Variants in FNTB observed in about 807,000 individuals in gnomAD.
FNTB encodes protein farnesyltransferase subunit beta.
FNTB carries 27 observed loss-of-function variants against 59.4 expected under a neutral mutation model. That is an observed-to-expected ratio of 0.45 (90% CI 0.34 to 0.63). The LOEUF is 0.63. Ranked by LOEUF, FNTB falls within the 20% of genes least tolerant of loss-of-function variation. The pLI, the probability that FNTB is intolerant of heterozygous loss-of-function variation, is 0.02. For missense variants in FNTB, 449 were observed against 559.6 expected, an observed-to-expected ratio of 0.80 and a Z score of 1.99; for synonymous variants, 230 against 220.7, an observed-to-expected ratio of 1.04 and a Z score of -0.37.
At chr14:65,022,277 T>C (rs1346495949) in intron 4 of FNTB, 2 of 314,072 alleles carry the variant, frequency 6.4e-6, no homozygotes, top group Admixed American at 4.3e-5. Flanking sequence ...CTGTAATCTT[T>C]TTTTCTGTTT....
In FNTB at chr14:65,001,207, C is replaced by A. The variant is rs769339593; in HGVS notation, c.145-3042C>A. On this transcript the variant is annotated intron_variant, in intron 1 of 11. Transcript: ENST00000246166. This position sits in a 1 kb window ranked among gnomAD's most constrained non-coding sequence, Gnocchi z 5.5. ...ATCTAGAGATGATTTAAAATACAGG[C>A]GTGCACTATATAACAATCAACAGAC... Among the ~76,000 whole-genome samples the A allele has an allele frequency of 6.6e-6, 1 of 152,102 alleles. No homozygotes were observed. Among genetic ancestry groups the A allele is most frequent in the African/African-American group, 2.4e-5 (1 of 41,422 alleles).
At chr14:65,057,548 C>CT (rs2062765045) in intron 11 of FNTB, among the ~76,000 whole-genome samples, 2 of 152,110 alleles carry the variant, frequency 1.3e-5, no homozygotes, top group Admixed American at 6.6e-5. Context: ...GGAATCTCTA[C>CT]CATTTTTTGA....
At chr14:65,040,604 C>CTTT (rs35890649) in intron 7 of FNTB, among the ~76,000 whole-genome samples, 186 bp from the exon 8 acceptor site, 48 of 117,302 alleles carry the variant, frequency 4.1e-4, no homozygotes, top group African/African-American at 1.1e-3. Flanking sequence ...CCAGGCCCAG[C>CTTT]TTTTTTTTTT....
chr14:65,019,508 AT>A (rs71123900), intron 4 of FNTB, among the ~76,000 whole-genome samples: 1 of 151,786 alleles, frequency 6.6e-6, no homozygotes, highest in East Asian at 1.9e-4. Context: ...CAAACAAAAC[AT>A]TTTTTTTAAG....
Position 65,015,695 on chromosome 14 carries a change from TC to T in FNTB, c.358del (p.Gln120ArgfsTer2), listed in dbSNP as rs1482427198. ...LHSLELLDEP[I>X]PQIVATDVCQ... is the part of the protein sequence containing the mutation. ...AGCTTGGAACTGCTAGATGAACCCA[TC>T]CCCCAGATAGTGGCTACAGAGTGAG... is the stretch of plus-strand genomic sequence containing the variant. On this transcript the variant is annotated frameshift_variant, in exon 4 of 12. Coordinates refer to ENST00000246166, the MANE Select transcript of FNTB (RefSeq NM_002028.4). LOFTEE classifies it high-confidence loss of function. The T allele has an allele frequency of 6.2e-7, 1 of 1,614,022 alleles. No individual in the cohort carries two copies. The highest frequency in any genetic ancestry group is 8.5e-7 in the Non-Finnish European group (1 of 1,180,012).
rs1324482048 is a variant in FNTB at position 65,032,157 on chromosome 14, A to C, written c.606-453A>C. 6.6e-6 allele frequency among the ~76,000 whole-genome samples: 1 copy of C among 152,138 alleles called. No homozygotes were observed. The highest frequency in any genetic ancestry group is 2.4e-5 in the African/African-American group (1 of 41,422). On this transcript the variant is annotated intron_variant, in intron 6 of 11. Transcript: ENST00000246166. The surrounding 1 kb of genome is among the most constrained non-coding windows in gnomAD (Gnocchi z 5.0). ...CTGTTTTGCAGTTTATCTGTTGCAG[A>C]AAAAGTATAGTTAATCTTTAATGTG...
At chr14:65,057,330 G>A (rs2062758411) in intron 11 of FNTB, among the ~76,000 whole-genome samples, 1 of 152,202 alleles carries the variant, frequency 6.6e-6, no homozygotes, top group Non-Finnish European at 1.5e-5. Context: ...TTGGGAGGCT[G>A]AGGTGGGAGA....
rs1370295779 is a variant in FNTB, at chr14:65,029,952, C to A, written c.605+2171C>A. On this transcript the variant is annotated intron_variant, in intron 6 of 11. Transcript: ENST00000246166. This position sits in a 1 kb window ranked among gnomAD's most constrained non-coding sequence, Gnocchi z 4.7. ...AAGAAGGCTTGGATTTGGGTGATGG[C>A]AGCAAGGATGGAAAGTTAGTGGACA... Among the ~76,000 whole-genome samples, 1 of 152,242 alleles carries A rather than the reference C, an allele frequency of 6.6e-6. No homozygotes were observed. The highest frequency in any genetic ancestry group is 1.5e-5 in the Non-Finnish European group (1 of 68,020).
intron 2 of FNTB, among the ~76,000 whole-genome samples, chr14:65,005,961 A>C (rs1042940176): frequency 4.6e-5 from 7 of 152,240 alleles, no homozygotes; most frequent in African/African-American, 1.7e-4. Flanking sequence ...ATCTCTGAAC[A>C]AAGTGTGGTT....
At chr14:65,053,032 T>C in intron 9 of FNTB, 2 of 352,924 alleles carry the variant, frequency 5.7e-6, no homozygotes, top group Non-Finnish European at 1.0e-5. Flanking sequence ...CCACTTTGAA[T>C]TGCTGCTCTT....
Position 65,009,915 on chromosome 14 carries a change from G to T in FNTB, c.210-2402G>T, listed in dbSNP as rs974757772. On this transcript the variant is annotated intron_variant, in intron 2 of 11. Coordinates refer to ENST00000246166, the MANE Select transcript of FNTB (RefSeq NM_002028.4). The surrounding 1 kb of genome is among the most constrained non-coding windows in gnomAD (Gnocchi z 4.2). ...CATGTGTGTCCACCTCTGGACTGTCGCTCTAGGGTACAGAGCAGCCTCTAC... is the reference window on the plus strand; with the variant it reads ...CATGTGTGTCCACCTCTGGACTGTCTCTCTAGGGTACAGAGCAGCCTCTAC... Among the ~76,000 whole-genome samples, 9 of 152,050 alleles carry T rather than the reference G, an allele frequency of 5.9e-5. No individual in the cohort carries two copies. Among genetic ancestry groups the T allele is most frequent in the African/African-American group, 1.9e-4 (8 of 41,380 alleles).
chr14:64,999,854 A>G (rs902030316), intron 1 of FNTB, among the ~76,000 whole-genome samples: 5 of 152,244 alleles, frequency 3.3e-5, no homozygotes, highest in Non-Finnish European at 5.9e-5. Flanking sequence ...TCACTTGTTC[A>G]TTCTGAAGAA....
intron 9 of FNTB, among the ~76,000 whole-genome samples, chr14:65,048,850 C>CAA (rs997503956): frequency 1.7e-4 from 26 of 151,690 alleles, no homozygotes; most frequent in African/African-American, 5.8e-4. Context: ...GACTTTGTCT[C>CAA]AAAAAAACAC....
rs76877801 is a variant in FNTB, at chr14:65,016,073, C to T, written c.374+357C>T. 3.0e-3 allele frequency among the ~76,000 whole-genome samples: 450 copies of T among 152,306 alleles called. 1 individual carries two copies. The highest frequency in any genetic ancestry group is 0.01 in the African/African-American group (433 of 41,572). ...TTTGAACAGCTTCTGTGGGGAAGCACGTGCCAGTCCAGTGAACAAAAATGC... is the reference window on the plus strand; with the variant it reads ...TTTGAACAGCTTCTGTGGGGAAGCATGTGCCAGTCCAGTGAACAAAAATGC... On this transcript the variant is annotated intron_variant, in intron 4 of 11. Coordinates refer to ENST00000246166, the MANE Select transcript of FNTB (RefSeq NM_002028.4).
In FNTB at chr14:65,023,121, A is replaced by T. The variant is rs1032461561; in HGVS notation, c.375-4332A>T. On this transcript the variant is annotated intron_variant, in intron 4 of 11. Coordinates refer to ENST00000246166, the MANE Select transcript of FNTB (RefSeq NM_002028.4). The surrounding 1 kb of genome is among the most constrained non-coding windows in gnomAD (Gnocchi z 4.1). ...TGTCTGGGCTGGAATGCAGTGGCAC[A>T]ATCACAGCTCACTGCAACCTGGACT... 2.8e-4 allele frequency among the ~76,000 whole-genome samples: 43 copies of T among 152,204 alleles called. No individual in the cohort carries two copies. Among genetic ancestry groups the T allele is most frequent in the Admixed American group, 6.5e-5 (1 of 15,274 alleles).
rs1728281418 is a variant in FNTB at position 65,014,596 on chromosome 14, T to C, written c.283-1029T>C. The stretch of plus-strand genomic sequence containing the variant: ...TGGGAGGCTCAGGCAGGTGAATTGC[T>C]TCAGCCCAGGAGTTCAAGACCAGCC... On this transcript the variant is annotated intron_variant, in intron 3 of 11. Transcript: ENST00000246166. This position sits in a 1 kb window ranked among gnomAD's most constrained non-coding sequence, Gnocchi z 5.1. 6.6e-6 allele frequency among the ~76,000 whole-genome samples: 1 copy of C among 152,140 alleles called. No homozygotes were observed. The highest frequency in any genetic ancestry group is 2.4e-5 in the African/African-American group (1 of 41,434).
rs535858782 is a variant in FNTB, at chr14:65,004,238, A to G, written c.145-11A>G. ...TTGTTTTCTCTCTCCTATCTCCTGC[A>G]TCCTTACCAGGCAAAAGTAGAAGAA... On this transcript the variant is annotated splice_polypyrimidine_tract_variant and intron_variant, in intron 1 of 11. Transcript: ENST00000246166. 6.2e-7 allele frequency: 1 copy of G among 1,613,276 alleles called. No individual in the cohort carries two copies. The highest frequency in any genetic ancestry group is 8.5e-7 in the Non-Finnish European group (1 of 1,179,614).
intron 1 of FNTB, among the ~76,000 whole-genome samples, chr14:64,993,342 T>C (rs1888276033): frequency 6.6e-6 from 1 of 152,236 alleles, no homozygotes; most frequent in Admixed American, 6.5e-5. Flanking sequence ...TGAGTTTATA[T>C]CTCCAGGGAT....
In FNTB at chr14:65,032,805, A is replaced by C; in HGVS notation, c.692+109A>C. ...GGACTTGGAAGGAAATACAAAAATC[A>C]CAGGAGATCCATTAGGGTTATCTAA... On this transcript the variant is annotated intron_variant, in intron 7 of 11. Transcript: ENST00000246166. The surrounding 1 kb of genome is among the most constrained non-coding windows in gnomAD (Gnocchi z 5.0). 1 of 1,044,066 alleles carries C rather than the reference A, an allele frequency of 9.6e-7. No homozygotes were observed. Among genetic ancestry groups the C allele is most frequent in the Non-Finnish European group, 1.3e-6 (1 of 741,268 alleles). 64.7% of individuals were successfully genotyped at this position (1,044,066 alleles called of 1,614,324 possible). A position where few individuals can be genotyped will look rare whatever the true frequency, so the allele number is the denominator to read the frequency against.
Sources: allele counts gnomAD v4.1 joint callset (sites outside exome capture counted in the v4.1 genomes callset), GRCh38; gene constraint gnomAD v4.1.1; non-coding constraint Gnocchi (gnomAD v3.1); transcripts MANE v1.5; gene names NCBI Gene and HGNC (gene_info 2026-07-23, HGNC 2026-07-21).